The following SPOCK2 variants were observed in gnomAD, a reference collection of about 807,000 sequenced individuals.
SPOCK2 encodes the protein SPARC (osteonectin), cwcv and kazal like domains proteoglycan 2.
A neutral mutation model predicts 60.1 loss-of-function variants in SPOCK2; 39 were observed. The ratio of observed to expected loss-of-function variants is 0.65; its 90% CI spans 0.50 to 0.85. SPOCK2 has a LOEUF of 0.85. Among genes scored for constraint, SPOCK2 ranks in the 40% least tolerant of loss-of-function variants. The pLI, the probability that SPOCK2 is intolerant of heterozygous loss-of-function variation, is 0.00. For missense variants in SPOCK2, 523 were observed against 567.4 expected (o/e 0.92, Z 0.80); for synonymous variants, 217 against 231.5 (o/e 0.94, Z 0.57).
At position 72,070,303 on chromosome 10, in the gene SPOCK2, G is replaced by A. The variant is rs1205232561; in HGVS notation, c.474+9C>T. ...CACCCCCACCCTACCTGGGGCCTGGGCTCCTCACCACAGAGCTGTAAGTGT... is the reference window on the plus strand; with the variant it reads ...CACCCCCACCCTACCTGGGGCCTGGACTCCTCACCACAGAGCTGTAAGTGT... On this transcript the variant is annotated intron_variant, in intron 5 of 10. Transcript: ENST00000373109. The A allele has an allele frequency of 6.2e-7, 1 of 1,613,596 alleles. No homozygotes were observed. The highest frequency in any genetic ancestry group is 8.5e-7 in the Non-Finnish European group (1 of 1,179,632).
chr10:72,068,615 C>T, intron 5 of SPOCK2: 1 of 349,538 alleles, frequency 2.9e-6, no homozygotes, highest in South Asian at 4.7e-5. Flanking sequence ...CTCCCCTGCC[C>T]CTGTCGCCCT....
rs1198945286 is a variant in SPOCK2, at chr10:72,088,236, C to T, written c.93G>A (p.Glu31=). The T allele has an allele frequency of 1.9e-6, 3 of 1,611,784 alleles. No homozygotes were observed. Among genetic ancestry groups the T allele is most frequent in the Non-Finnish European group, 1.7e-6 (2 of 1,179,634 alleles). Residue 31 remains glutamate (E), a synonymous_variant, in exon 1 of 11, where the codon GAG becomes GAA. Transcript: ENST00000373109. ...CCATGAAATTGCCGGGGGTCTCGCCCTCCTTGAGCCCCTTGGCGTCGCCTT... is the reference window on the plus strand; with the variant it reads ...CCATGAAATTGCCGGGGGTCTCGCCTTCCTTGAGCCCCTTGGCGTCGCCTT... ...LAEGDAKGLK[E]GETPGNFMED...
intron 1 of SPOCK2, among the ~76,000 whole-genome samples, chr10:72,084,708 T>G (rs912609858): frequency 1.8e-4 from 28 of 152,228 alleles, no homozygotes; most frequent in African/African-American, 6.5e-4. Flanking sequence ...CTCTGCTACT[T>G]ACTAGCTATT....
chr10:72,065,332 G>A (rs530529280), intron 8 of SPOCK2, among the ~76,000 whole-genome samples: 1 of 152,254 alleles, frequency 6.6e-6, no homozygotes, highest in South Asian at 2.1e-4. Flanking sequence ...CACCGCGCCC[G>A]GTCTATGTTT....
In SPOCK2 at chr10:72,064,249, A is replaced by G; in HGVS notation, c.929-9T>C. ...TGCCAGGCAGGGGGGCTCTGTGGGG[A>G]GAGAAGCAGCCTCTGATGGGACTGT... is the stretch of plus-strand genomic sequence containing the variant. On this transcript the variant is annotated splice_polypyrimidine_tract_variant and intron_variant, in intron 8 of 10. Transcript: ENST00000373109. 6.3e-7 allele frequency: 1 copy of G among 1,587,942 alleles called. No homozygotes were observed.
In SPOCK2 at chr10:72,087,040, G is replaced by A. The variant is rs1840867966; in HGVS notation, c.189+1100C>T. On this transcript the variant is annotated intron_variant, in intron 1 of 10. Transcript: ENST00000373109. This position sits in a 1 kb window ranked among gnomAD's most constrained non-coding sequence, Gnocchi z 4.7. ...CAGGGTCCTAGAAGAGGTTTTCTGG[G>A]GTCAGGGCCGCGGTGAGCACCAGGT... 1.3e-6 allele frequency: 2 copies of A among 1,540,368 alleles called. No homozygotes were observed. Among genetic ancestry groups the A allele is most frequent in the Admixed American group, 2.0e-5 (1 of 49,722 alleles).
At chr10:72,079,869 C>T (rs1840760594) in intron 1 of SPOCK2, among the ~76,000 whole-genome samples, 1 of 152,038 alleles carries the variant, frequency 6.6e-6, no homozygotes, top group Non-Finnish European at 1.5e-5. Context: ...CTTGGCCTTG[C>T]CACTGACTGC....
chr10:72,068,384 T>G, intron 5 of SPOCK2, 83 bp from the exon 6 acceptor site: 1 of 1,401,082 alleles, frequency 7.1e-7, no homozygotes, highest in Admixed American at 2.4e-5. Flanking sequence ...AAGCCTCTCA[T>G]GGCAGCCACA....
chr10:72,064,666 A>G (rs1361570105), intron 8 of SPOCK2, among the ~76,000 whole-genome samples: 4 of 152,212 alleles, frequency 2.6e-5, no homozygotes, highest in Non-Finnish European at 4.4e-5. Flanking sequence ...CGGTGGCCCC[A>G]TAAGATTACA....
In SPOCK2 at chr10:72,061,318, GACTTCTC is replaced by G. The variant is rs5786061; in HGVS notation, c.*1435_*1441del. ...CGGCTGCACCTGTCCTGTTCCCTCT[GACTTCTC>G]ACTTTTCCACATTGCAGGCTTCAAA... On this transcript the variant is annotated 3_prime_UTR_variant, in exon 11 of 11. Coordinates refer to ENST00000373109, the MANE Select transcript of SPOCK2 (RefSeq NM_001244950.2). 0.014 allele frequency: 2,176 copies of G among 152,522 alleles called. 37 individuals carry two copies. The highest frequency in any genetic ancestry group is 0.04 in the African/African-American group (1,659 of 41,568). 9.4% of individuals were successfully genotyped at this position (152,522 alleles called of 1,614,324 possible).
intron 3 of SPOCK2, 37 bp from the exon 4 acceptor site, chr10:72,072,295 G>C (rs771920969): frequency 6.5e-5 from 97 of 1,484,044 alleles, no homozygotes; most frequent in Non-Finnish European, 5.4e-6. Context: ...GGTCACCTGG[G>C]AGAACCCAGG....
chr10:72,081,771 G>A (rs1385248180), intron 1 of SPOCK2, among the ~76,000 whole-genome samples: 1 of 152,162 alleles, frequency 6.6e-6, no homozygotes, highest in Admixed American at 6.5e-5. Context: ...CCAACCTTTT[G>A]GGGTTCCGGA....
chr10:72,081,666 C>T (rs746020867), intron 1 of SPOCK2, among the ~76,000 whole-genome samples: 12 of 152,334 alleles, frequency 7.9e-5, no homozygotes, highest in Middle Eastern at 3.4e-3. Context: ...GACAGGGAGA[C>T]GCGGGGACAG....
chr10:72,059,966 G>A lies in SPOCK2; in HGVS notation c.*2794C>T, dbSNP rs1031930001. The stretch of plus-strand genomic sequence containing the variant: ...GCAAGAAACCGTTCTTTGAACACAT[G>A]GTTAAGCTTCTTCCAGCATGGCCCT... On this transcript the variant is annotated 3_prime_UTR_variant, in exon 11 of 11. Coordinates refer to ENST00000373109, the MANE Select transcript of SPOCK2 (RefSeq NM_001244950.2). 1 of 152,678 alleles carries A rather than the reference G, an allele frequency of 6.5e-6. No individual in the cohort carries two copies. The highest frequency in any genetic ancestry group is 1.5e-5 in the Non-Finnish European group (1 of 68,112). The allele number at this position is 152,678 out of a possible 1,614,324, so 9.5% of individuals were successfully genotyped here.
chr10:72,083,340 G>C (rs561975187), intron 1 of SPOCK2, among the ~76,000 whole-genome samples: 2 of 152,334 alleles, frequency 1.3e-5, no homozygotes, highest in South Asian at 4.1e-4. Flanking sequence ...GCATGCTAAA[G>C]CCTCTGCAGA....
intron 5 of SPOCK2, among the ~76,000 whole-genome samples, chr10:72,069,548 C>T (rs970823666): frequency 6.6e-6 from 1 of 150,546 alleles, no homozygotes; most frequent in Non-Finnish European, 1.5e-5. Context: ...TGGCTCACTA[C>T]AGCCTCGAAC....
intron 5 of SPOCK2, 88 bp downstream of exon 5, chr10:72,070,224 T>A (rs1840627758): frequency 7.5e-7 from 1 of 1,336,566 alleles, no homozygotes; most frequent in Middle Eastern, 2.4e-4. Flanking sequence ...TGGAAACCCC[T>A]CCGGAGGCCC....
chr10:72,088,594 T>A, upstream of SPOCK2: 1 of 382,134 alleles, frequency 2.6e-6, no homozygotes, highest in Non-Finnish European at 4.7e-6. Flanking sequence ...AGCATCAGCA[T>A]CACGTTTGAC....
intron 9 of SPOCK2, among the ~76,000 whole-genome samples, chr10:72,063,767 G>A (rs1332310427): frequency 6.6e-6 from 1 of 152,198 alleles, no homozygotes; most frequent in Admixed American, 6.5e-5. Context: ...TCAGAGTTGG[G>A]CTGGGTCTAT....
Sources: gnomAD v4.1 joint callset for allele counts (sites outside exome capture counted in the v4.1 genomes callset) on GRCh38, gnomAD v4.1.1 for gene constraint, Gnocchi (gnomAD v3.1) non-coding constraint, MANE v1.5 for transcripts, NCBI Gene and HGNC (gene_info 2026-07-23, HGNC 2026-07-21) for gene names.